Variants in CSRP1 observed in about 807,000 individuals in gnomAD.
The protein encoded by CSRP1 is cysteine and glycine rich protein 1.
CSRP1 carries 16 observed loss-of-function variants against 25.4 expected under a neutral mutation model. The observed-to-expected ratio is 0.63, with a 90% confidence interval of 0.43 to 0.96. The LOEUF (loss-of-function observed/expected upper bound fraction) is 0.96, where lower values mean the gene tolerates loss of function less well. Ranked by LOEUF, CSRP1 falls within the 40% of genes least tolerant of loss-of-function variation. The pLI, the probability that CSRP1 is intolerant of heterozygous loss-of-function variation, is 0.00. For synonymous variants in CSRP1, 97 were observed against 95.3 expected (o/e 1.02, Z -0.10); for missense variants, 212 against 243.6 (o/e 0.87, Z 0.86).
chr1:201,483,908 G>A lies in CSRP1; in HGVS notation c.*805C>T. ...CCTGGCCTGGGCTCTGCTGGCCGCA[G>A]CCTCAGGAGCCAGGGTTAAGGCCAG... On this transcript the variant is annotated 3_prime_UTR_variant, in exon 6 of 6. Coordinates refer to ENST00000340006, the MANE Select transcript of CSRP1 (RefSeq NM_004078.3). 9.2e-6 allele frequency: 6 copies of A among 653,424 alleles called. No individual in the cohort carries two copies. The highest frequency in any genetic ancestry group is 1.7e-5 in the Non-Finnish European group (6 of 348,962). The allele number at this position is 653,424 out of a possible 1,614,324, so 40.5% of individuals were successfully genotyped here. A position where few individuals can be genotyped will look rare whatever the true frequency, so the allele number is the denominator to read the frequency against.
chr1:201,486,402 T>C (rs1664145126), intron 4 of CSRP1: 1 of 985,510 alleles, frequency 1.0e-6, no homozygotes, highest in Non-Finnish European at 1.2e-6. Context: ...ACAAGGCCTT[T>C]TAAGGGCAAA....
chr1:201,485,300 C>A lies in CSRP1; in HGVS notation c.488G>T (p.Gly163Val), dbSNP rs1343708213. The part of the protein sequence containing the change: ...LESTTLADKD[G>V]EIYCKGCYAK... ...ACACCCACCTTTGCAGTAAATCTCG[C>A]CATCCTTGTCTGCCAGGGTGGTTGA... Residue 163 changes from glycine (G) to valine (V), a missense_variant, in exon 5 of 6, where the codon GGC (glycine) becomes GTC (valine). Transcript: ENST00000340006. The A allele has an allele frequency of 6.2e-7, 1 of 1,614,162 alleles. No homozygotes were observed. The highest frequency in any genetic ancestry group is 1.7e-5 in the Admixed American group (1 of 60,020).
intron 2 of CSRP1, among the ~76,000 whole-genome samples, chr1:201,493,476 T>C (rs182889488): frequency 7.2e-5 from 11 of 152,384 alleles, no homozygotes; most frequent in Admixed American, 7.2e-4. Context: ...CTCTCTTGCC[T>C]GCTGCCATGT....
intron 1 of CSRP1, among the ~76,000 whole-genome samples, chr1:201,501,197 C>G (rs184413626): frequency 6.6e-6 from 1 of 152,324 alleles, no homozygotes; most frequent in African/African-American, 2.4e-5. Context: ...ACTCACACGA[C>G]TGGACCAGTC....
chr1:201,497,985 G>A lies in CSRP1; in HGVS notation c.-1-1681C>T, dbSNP rs538614005. Among the ~76,000 whole-genome samples the A allele has an allele frequency of 2.3e-4, 35 of 151,914 alleles. No homozygotes were observed. The South Asian group carries it at 6.2e-3, about 27-fold the overall frequency. ...AGATCGCGCCATTGCATTCCAGCCC[G>A]GACGACAGAGCAAGACTCCGTCTCA... On this transcript the variant is annotated intron_variant, in intron 1 of 5. Transcript: ENST00000340006.
chr1:201,496,267 A>G lies in CSRP1; in HGVS notation c.37T>C (p.Cys13Arg), dbSNP rs1245397829. The G allele has an allele frequency of 1.2e-6, 2 of 1,614,098 alleles. No homozygotes were observed. The highest frequency in any genetic ancestry group is 1.7e-6 in the Non-Finnish European group (2 of 1,180,046). The part of the protein sequence containing the change: ...NWGGGKKCGV[C>R]QKTVYFAEEV... Reference sequence around the variant, plus strand: ...TCGGCAAAGTAAACCGTCTTCTGACACACCCCACATTTCTTGCCTCCTCCC... The same window carrying G: ...TCGGCAAAGTAAACCGTCTTCTGACGCACCCCACATTTCTTGCCTCCTCCC... Residue 13 changes from cysteine (C) to arginine (R), a missense_variant, in exon 2 of 6, where the codon TGT (cysteine) becomes CGT (arginine). Cys to Arg is a radical substitution (Grantham distance 180). Coordinates refer to ENST00000340006, the MANE Select transcript of CSRP1 (RefSeq NM_004078.3).
intron 1 of CSRP1, among the ~76,000 whole-genome samples, chr1:201,503,355 A>AT (rs922589037): frequency 1.4e-4 from 21 of 152,234 alleles, no homozygotes; most frequent in African/African-American, 5.1e-4. Context: ...TCTTTGATTA[A>AT]TTTTTTACAA....
intron 4 of CSRP1, chr1:201,487,019 A>G: frequency 7.7e-7 from 1 of 1,293,152 alleles, no homozygotes; most frequent in Non-Finnish European, 1.0e-6. Context: ...ATAATCCCTG[A>G]AAATAAACAA....
At chr1:201,486,526 C>A in intron 4 of CSRP1, 3 of 985,694 alleles carry the variant, frequency 3.0e-6, no homozygotes, top group Non-Finnish European at 3.6e-6. Context: ...ATGGGGGGAC[C>A]TGGGTCTAGG....
chr1:201,492,687 T>A (rs2102408016), intron 2 of CSRP1: 1 of 152,324 alleles, frequency 6.6e-6, no homozygotes, highest in East Asian at 1.9e-4. Context: ...AAATAGAGAA[T>A]GATTCTCTGC....
chr1:201,486,803 A>G, intron 4 of CSRP1: 1 of 1,057,976 alleles, frequency 9.5e-7, no homozygotes, highest in East Asian at 9.8e-5. Flanking sequence ...ACTTGAATGC[A>G]AAATTCTCTT....
At chr1:201,485,159 T>C (rs1664092992) in intron 5 of CSRP1, 124 bp downstream of exon 5, 1 of 846,866 alleles carries the variant, frequency 1.2e-6, no homozygotes, top group Non-Finnish European at 2.0e-6. Flanking sequence ...GAAGGAATCA[T>C]ACTAGATGTT....
intron 4 of CSRP1, chr1:201,485,883 G>A (rs1664117885): frequency 6.5e-6 from 1 of 154,124 alleles, no homozygotes; most frequent in South Asian, 2.0e-4. Flanking sequence ...TACTCCTTAG[G>A]ACTTTCCCTG....
chr1:201,496,521 C>T, intron 1 of CSRP1: 1 of 577,046 alleles, frequency 1.7e-6, no homozygotes, highest in East Asian at 2.9e-5. Context: ...ATCAACAGGT[C>T]TTTACAGAGC....
intron 1 of CSRP1, among the ~76,000 whole-genome samples, chr1:201,498,035 G>A (rs17428663): frequency 0.013 from 2,037 of 151,946 alleles, 23 homozygotes; most frequent in Middle Eastern, 0.037. Context: ...TAAAAATAGC[G>A]ACTTCACCGA....
intron 1 of CSRP1, among the ~76,000 whole-genome samples, chr1:201,503,766 C>T (rs1664734944): frequency 6.6e-6 from 1 of 152,190 alleles, no homozygotes. Context: ...ACCCAGGACC[C>T]CTCCACCTCA....
Position 201,484,433 on chromosome 1 carries a change from G to T in CSRP1, c.*280C>A. 1 of 534,608 alleles carries T rather than the reference G, an allele frequency of 1.9e-6. No homozygotes were observed. Among genetic ancestry groups the T allele is most frequent in the Non-Finnish European group, 3.3e-6 (1 of 299,398 alleles). The allele number at this position is 534,608 out of a possible 1,614,324, so 33.1% of individuals were successfully genotyped here. A position where few individuals can be genotyped will look rare whatever the true frequency, so the allele number is the denominator to read the frequency against. On this transcript the variant is annotated 3_prime_UTR_variant, in exon 6 of 6. Coordinates refer to ENST00000340006, the MANE Select transcript of CSRP1 (RefSeq NM_004078.3). ...CAGGAGGCTAAGAACAGAGCTCTGT[G>T]GGGCGAGGTGTGGGGAGAGGGGCCT... is the stretch of plus-strand genomic sequence containing the variant.
intron 4 of CSRP1, 21 bp from the exon 5 acceptor site, chr1:201,485,397 T>G: frequency 6.2e-7 from 1 of 1,610,024 alleles, no homozygotes; most frequent in Non-Finnish European, 8.5e-7. Context: ...AAGGAAATAG[T>G]TAATGGCTGC....
chr1:201,496,481 C>G (rs149458536), intron 1 of CSRP1, 177 bp from the exon 2 acceptor site: 2 of 617,438 alleles, frequency 3.2e-6, no homozygotes, highest in Admixed American at 2.6e-5. Context: ...CAGCCTCGCA[C>G]GTTCTCGGGG....
Sources: gnomAD v4.1 joint callset for allele counts (sites outside exome capture counted in the v4.1 genomes callset) on GRCh38, gnomAD v4.1.1 for gene constraint, MANE v1.5 for transcripts, NCBI Gene and HGNC (gene_info 2026-07-23, HGNC 2026-07-21) for gene names.